LAMA5: variants seen among roughly 807,000 people sequenced by gnomAD.
LAMA5 encodes laminin subunit alpha 5, also known as laminin subunit alpha-5.
Under a neutral mutation model 433.4 loss-of-function variants are expected in LAMA5, and 260 were observed. The ratio of observed to expected loss-of-function variants is 0.60; its 90% CI spans 0.54 to 0.66. The LOEUF (loss-of-function observed/expected upper bound fraction) is 0.66. LAMA5 is among the 30% of genes least tolerant of loss of function. The pLI, the probability that LAMA5 is intolerant of heterozygous loss-of-function variation, is 0.00. For synonymous variants in LAMA5, 2,620 were observed against 2,226.6 expected (o/e 1.18, Z -4.97); for missense variants, 5,378 against 5,258.5 (o/e 1.02, Z -0.70).
rs545090133 is a variant in LAMA5 at position 62,363,707 on chromosome 20, C to T, written c.298-1155G>A. Among the ~76,000 whole-genome samples, 438 of 152,254 alleles carry T rather than the reference C, an allele frequency of 2.9e-3. 2 individuals carry two copies. The highest frequency in any genetic ancestry group is 0.013 in the South Asian group (61 of 4,826). ...TTTGAGAAAGTCAGCGGCCCTACCC[C>T]GCCCAGCCTCCCTTGGGGGGCCAGA... On this transcript the variant is annotated intron_variant, in intron 1 of 79. Transcript: ENST00000252999.
intron 28 of LAMA5, among the ~76,000 whole-genome samples, chr20:62,332,018 C>T (rs1453232334): frequency 6.6e-6 from 1 of 151,382 alleles, no homozygotes; most frequent in Non-Finnish European, 1.5e-5. Flanking sequence ...TGCCATTGCG[C>T]TCCAGCCTGG....
intron 2 of LAMA5, among the ~76,000 whole-genome samples, chr20:62,358,798 ACT>A (rs1176857805): frequency 6.6e-6 from 1 of 151,334 alleles, no homozygotes; most frequent in East Asian, 1.9e-4. Flanking sequence ...GCCTAGGGAA[ACT>A]CACACTCCAG....
At chr20:62,360,636 G>A (rs62199223) in intron 2 of LAMA5, among the ~76,000 whole-genome samples, 1 of 83,070 alleles carries the variant, frequency 1.2e-5, no homozygotes. Flanking sequence ...AGGGATAGAT[G>A]GGTGGGTGGG....
At chr20:62,316,122 TC>T in intron 57 of LAMA5, 64 bp from the exon 58 acceptor site, 1 of 1,138,750 alleles carries the variant, frequency 8.8e-7, no homozygotes, top group Non-Finnish European at 1.3e-6. Flanking sequence ...GCAGCCCACC[TC>T]CACCCTTCTG....
chr20:62,313,670 C>A lies in LAMA5; in HGVS notation c.8637G>T (p.Gly2879=), dbSNP rs1322961192. The part of the protein sequence containing the change: ...LRPDDFVFYV[G]GYPSTFTPPP... ...TCACCGTGAAGGTACTGGGGTACCC[C>A]CCGACGTAGAAGACGAAGTCGTCTG... Residue 2879 remains glycine (G), a synonymous_variant, in exon 63 of 80, where the codon GGG becomes GGT. Coordinates refer to ENST00000252999, the MANE Select transcript of LAMA5 (RefSeq NM_005560.6). 1.9e-6 allele frequency: 3 copies of A among 1,612,646 alleles called. No homozygotes were observed. Among genetic ancestry groups the A allele is most frequent in the Non-Finnish European group, 1.7e-6 (2 of 1,179,966 alleles).
At chr20:62,325,693 T>A in intron 40 of LAMA5, 147 bp from the exon 41 acceptor site, 1 of 557,746 alleles carries the variant, frequency 1.8e-6, no homozygotes, top group Non-Finnish European at 3.1e-6. Context: ...AAAACCAGTC[T>A]CCCATGAGGC....
intron 49 of LAMA5, 31 bp downstream of exon 49, chr20:62,320,708 G>A (rs555778098): frequency 1.9e-6 from 3 of 1,612,340 alleles, no homozygotes; most frequent in Non-Finnish European, 1.7e-6. Flanking sequence ...ACTGGCCCGG[G>A]TTGGGGAGGG....
intron 1 of LAMA5, among the ~76,000 whole-genome samples, chr20:62,363,118 C>T (rs1173652000): frequency 3.3e-5 from 5 of 152,156 alleles, no homozygotes; most frequent in African/African-American, 9.7e-5. Flanking sequence ...CCGTCAGGGC[C>T]GGGATCCAGG....
At chr20:62,345,213 G>C (rs1478887885) in intron 11 of LAMA5, among the ~76,000 whole-genome samples, 3 of 151,952 alleles carry the variant, frequency 2.0e-5, no homozygotes, top group African/African-American at 7.3e-5. Flanking sequence ...ATGTTAGCCA[G>C]GCTGGCCTTG....
chr20:62,335,424 A>G (rs1442634045), intron 18 of LAMA5, among the ~76,000 whole-genome samples, 155 bp from the exon 19 acceptor site: 1 of 136,316 alleles, frequency 7.3e-6, no homozygotes, highest in Admixed American at 7.7e-5. Context: ...TCCCTCTAGG[A>G]TACACTTGCA....
intron 55 of LAMA5, 78 bp downstream of exon 55, chr20:62,317,267 C>T: frequency 2.8e-6 from 4 of 1,420,302 alleles, no homozygotes; most frequent in Non-Finnish European, 3.7e-6. Context: ...AGGAGCCTTC[C>T]CAGACCAGCT....
rs1983337292 is a variant in LAMA5, at chr20:62,346,194, A to G, written c.1304T>C (p.Phe435Ser). ...VCRRCNCESD[F>S]TDGTCEDLTG... The stretch of plus-strand genomic sequence containing the variant: ...CAGGTCCTCGCAGGTGCCATCCGTG[A>G]AGTCGGACTCGCAGTTGCAGCCTGG... The change falls in exon 10 of 80, where the codon TTC (phenylalanine) becomes TCC (serine). Residue 435 changes from phenylalanine to serine, a missense_variant. Coordinates refer to ENST00000252999, the MANE Select transcript of LAMA5 (RefSeq NM_005560.6). The G allele has an allele frequency of 1.2e-6, 2 of 1,612,216 alleles. No individual in the cohort carries two copies. The highest frequency in any genetic ancestry group is 1.1e-5 in the South Asian group (1 of 90,940).
At chr20:62,311,129 CT>C in intron 73 of LAMA5, 32 bp downstream of exon 73, 1 of 1,564,052 alleles carries the variant, frequency 6.4e-7, no homozygotes, top group Non-Finnish European at 8.7e-7. Context: ...TGCGCGGCCC[CT>C]CTCAGCCCAC....
At chr20:62,321,582 G>A (rs1568918360) in intron 48 of LAMA5, among the ~76,000 whole-genome samples, 1 of 63,650 alleles carries the variant, frequency 1.6e-5, no homozygotes, top group African/African-American at 5.7e-5. Flanking sequence ...GGCCTGTGGA[G>A]GGGTGGGGCC....
intron 7 of LAMA5, 54 bp from the exon 8 acceptor site, chr20:62,346,854 G>C: frequency 8.1e-6 from 13 of 1,606,068 alleles, no homozygotes; most frequent in Non-Finnish European, 1.1e-5. Flanking sequence ...CCGGGCACCG[G>C]GGCCCTCTCA....
At chr20:62,320,701 G>A (rs753318489) in intron 49 of LAMA5, 32 bp from the exon 50 acceptor site, 3 of 1,612,092 alleles carry the variant, frequency 1.9e-6, no homozygotes, top group South Asian at 1.1e-5. Context: ...GGCCTGCACT[G>A]GCCCGGGTTG....
chr20:62,360,047 T>C (rs1020774155), intron 2 of LAMA5, among the ~76,000 whole-genome samples: 17 of 149,476 alleles, frequency 1.1e-4, no homozygotes, highest in Non-Finnish European at 2.2e-4. Context: ...GGCTTCCTGA[T>C]GGAGGCCCCA....
chr20:62,316,937 T>A lies in LAMA5; in HGVS notation c.7598A>T (p.Gln2533Leu). ...NAYSRILQAV[Q>L]AAEDAAGQAL... ...CTGGCCAGCAGCATCCTCGGCAGCCTGCACGGCCTGCAGGATGCGGCTGTA... is the reference window on the plus strand; with the variant it reads ...CTGGCCAGCAGCATCCTCGGCAGCCAGCACGGCCTGCAGGATGCGGCTGTA... The change falls in exon 56 of 80, where the codon CAG (glutamine) becomes CTG (leucine). Residue 2533 changes from glutamine (Q) to leucine (L), a missense_variant. Gln to Leu is a moderately radical substitution (Grantham distance 113, BLOSUM62 -2). Transcript: ENST00000252999. 1.9e-6 allele frequency: 3 copies of A among 1,562,614 alleles called. No individual in the cohort carries two copies. The highest frequency in any genetic ancestry group is 2.6e-6 in the Non-Finnish European group (3 of 1,151,170).
At chr20:62,365,454 A>T (rs1441255927) in intron 1 of LAMA5, among the ~76,000 whole-genome samples, 1 of 152,212 alleles carries the variant, frequency 6.6e-6, no homozygotes, top group Non-Finnish European at 1.5e-5. Context: ...CAGAGGAGAC[A>T]GATCTGAGAG....
Sources: gnomAD v4.1 joint callset for allele counts (sites outside exome capture counted in the v4.1 genomes callset) on GRCh38, gnomAD v4.1.1 for gene constraint, MANE v1.5 for transcripts, NCBI Gene and HGNC (gene_info 2026-07-23, HGNC 2026-07-21) for gene names.